Variants in DHRS7 observed in about 807,000 individuals in gnomAD.
The protein encoded by DHRS7 is dehydrogenase/reductase SDR family member 7.
A neutral mutation model predicts 38.9 loss-of-function variants in DHRS7; 34 were observed. That is an observed-to-expected ratio of 0.87 (90% CI 0.66 to 1.16). The LOEUF (loss-of-function observed/expected upper bound fraction) is 1.16, where lower values mean the gene tolerates loss of function less well. Ranked by LOEUF, DHRS7 falls within the 50% of genes most tolerant of loss-of-function variation. DHRS7 has a pLI of 0.00. For missense variants in DHRS7, 421 were observed against 407.0 expected (o/e 1.03, Z -0.30); for synonymous variants, 158 against 153.1 (o/e 1.03, Z -0.24).
chr14:60,155,909 A>T lies in DHRS7; in HGVS notation c.286+91T>A, dbSNP rs1338480236. The stretch of plus-strand genomic sequence containing the variant: ...GTAGAACATTTGGAGCCGGGGGGAA[A>T]TCTCACTCCTCTCTAAAAGTCCCAA... On this transcript the variant is annotated intron_variant, in intron 2 of 6. Transcript: ENST00000557185. The T allele has an allele frequency of 2.8e-5, 35 of 1,272,048 alleles. No homozygotes were observed. The East Asian group carries it at 9.8e-4, about 36-fold the overall frequency. 78.8% of individuals were successfully genotyped at this position (1,272,048 alleles called of 1,614,324 possible). A position where few individuals can be genotyped will look rare whatever the true frequency, so the allele number is the denominator to read the frequency against.
At chr14:60,149,256 A>G (rs906832166) in intron 6 of DHRS7, 97 bp downstream of exon 6, 1 of 1,171,084 alleles carries the variant, frequency 8.5e-7, no homozygotes, top group Non-Finnish European at 1.3e-6. Context: ...GACATGAGCC[A>G]CTGCACCCAG....
At chr14:60,165,695 G>A (rs1402631823), upstream of DHRS7, 3 of 1,000,460 alleles carry the variant, frequency 3.0e-6, no homozygotes, top group Non-Finnish European at 3.6e-6. The surrounding 1 kb of genome is among the most constrained non-coding windows in gnomAD (Gnocchi z 4.6). Flanking sequence ...TTTCCTCTCT[G>A]TACAGGGACA....
chr14:60,145,210 T>G lies in DHRS7; in HGVS notation c.973-197A>C. On this transcript the variant is annotated intron_variant, in intron 6 of 6. Transcript: ENST00000557185. This position sits in a 1 kb window ranked among gnomAD's most constrained non-coding sequence, Gnocchi z 4.0. ...TAGATGTACACAAAAGTACTTCTAATGAGTTTAGCATCATCTCTGGTTTAG... is the reference window on the plus strand; with the variant it reads ...TAGATGTACACAAAAGTACTTCTAAGGAGTTTAGCATCATCTCTGGTTTAG... 1 of 445,796 alleles carries G rather than the reference T, an allele frequency of 2.2e-6. No individual in the cohort carries two copies. The highest frequency in any genetic ancestry group is 3.9e-6 in the Non-Finnish European group (1 of 257,214). 27.6% of individuals were successfully genotyped at this position (445,796 alleles called of 1,614,324 possible).
rs1595200846 is a variant in DHRS7, at chr14:60,161,917, T to G, written c.133+3260A>C. 6.6e-6 allele frequency among the ~76,000 whole-genome samples: 1 copy of G among 152,222 alleles called. No individual in the cohort carries two copies. The highest frequency in any genetic ancestry group is 2.1e-4 in the South Asian group (1 of 4,836). On this transcript the variant is annotated intron_variant, in intron 1 of 6. Coordinates refer to ENST00000557185, the MANE Select transcript of DHRS7 (RefSeq NM_016029.4). This position sits in a 1 kb window ranked among gnomAD's most constrained non-coding sequence, Gnocchi z 4.2. ...TCTACAAATGCAACCCAAGGTTGCC[T>G]GATCTTTTCTGGCAGCCACTTCACA...
At chr14:60,167,233 A>T (rs1399939078), upstream of DHRS7, among the ~76,000 whole-genome samples, 1 of 152,254 alleles carries the variant, frequency 6.6e-6, no homozygotes, top group African/African-American at 2.4e-5. Flanking sequence ...CATGTACTCC[A>T]TAAATATATA....
Position 60,153,104 on chromosome 14 carries a change from T to G in DHRS7, c.468A>C (p.Arg156Ser). ...LCMDTSLDVY[R>S]KLIELNYLGT... ...CTAAGTAGTTAAGCTCTATTAGCTT[T>G]CTGTAGACATCCAAGCTGGTATCCA... Residue 156 changes from arginine to serine, a missense_variant, in exon 4 of 7, where the codon AGA (arginine) becomes AGC (serine). Arg to Ser is a moderately radical substitution (Grantham distance 110, BLOSUM62 -1). Coordinates refer to ENST00000557185, the MANE Select transcript of DHRS7 (RefSeq NM_016029.4). This position sits in a 1 kb window ranked among gnomAD's most constrained non-coding sequence, Gnocchi z 4.4. 1 of 1,614,208 alleles carries G rather than the reference T, an allele frequency of 6.2e-7. No homozygotes were observed.
chr14:60,168,914 C>T (rs961196037), upstream of DHRS7: 3 of 821,268 alleles, frequency 3.7e-6, no homozygotes, highest in Non-Finnish European at 5.2e-6. Flanking sequence ...GTCTAACTAA[C>T]CCATTGAAGT....
At chr14:60,168,837 A>G, upstream of DHRS7, 2 of 1,448,154 alleles carry the variant, frequency 1.4e-6, no homozygotes, top group Non-Finnish European at 1.9e-6. Flanking sequence ...TTCACTCTTC[A>G]TAAACCAAAG....
In DHRS7 at chr14:60,145,427, A is replaced by T. The variant is rs1249891855; in HGVS notation, c.973-414T>A. The T allele has an allele frequency of 6.5e-6, 1 of 152,798 alleles. No homozygotes were observed. The highest frequency in any genetic ancestry group is 1.9e-4 in the East Asian group (1 of 5,232). 9.5% of individuals were successfully genotyped at this position (152,798 alleles called of 1,614,324 possible). On this transcript the variant is annotated intron_variant, in intron 6 of 6. Transcript: ENST00000557185. This position sits in a 1 kb window ranked among gnomAD's most constrained non-coding sequence, Gnocchi z 4.0. ...GGCAGGCACTGTGGCTCATGCCTGTAATCCCAGCACTTTGGGAGGCCGAGG... is the reference window on the plus strand; with the variant it reads ...GGCAGGCACTGTGGCTCATGCCTGTTATCCCAGCACTTTGGGAGGCCGAGG...
rs751714239 is a variant in DHRS7, at chr14:60,152,941, G to T, written c.631C>A (p.Arg211=). Residue 211 remains arginine, a splice_region_variant and synonymous_variant, in exon 4 of 7, where the codon CGG becomes AGG. Coordinates refer to ENST00000557185, the MANE Select transcript of DHRS7 (RefSeq NM_016029.4). ...GAGTTGAGTTTGAGCAGCCTTACCC[G>T]GAGAGCATGCTTGCTAGCACAGTAT... ...IGYCASKHAL[R]GFFNGLRTEL... 1 of 1,613,874 alleles carries T rather than the reference G, an allele frequency of 6.2e-7. No homozygotes were observed. The highest frequency in any genetic ancestry group is 1.3e-5 in the African/African-American group (1 of 74,898).
At position 60,145,035 on chromosome 14, in the gene DHRS7, A is replaced by G. The variant is rs1896363530; in HGVS notation, c.973-22T>C. ...CATCCTGTAAAAGAGGGACAGAAAC[A>G]TGGATCAGTACCTACTCCTATTTAC... On this transcript the variant is annotated intron_variant, in intron 6 of 6. Transcript: ENST00000557185. This position sits in a 1 kb window ranked among gnomAD's most constrained non-coding sequence, Gnocchi z 4.0. 2 of 1,561,516 alleles carry G rather than the reference A, an allele frequency of 1.3e-6. No individual in the cohort carries two copies. The highest frequency in any genetic ancestry group is 2.8e-5 in the African/African-American group (2 of 71,364).
rs748874258 is a variant in DHRS7 at position 60,165,301 on chromosome 14, C to A, written c.9G>T (p.Trp3Cys). Residue 3 changes from tryptophan to cysteine, a missense_variant, in exon 1 of 7, where the codon TGG (tryptophan) becomes TGT (cysteine). Trp to Cys is a radical substitution (Grantham distance 215). Coordinates refer to ENST00000557185, the MANE Select transcript of DHRS7 (RefSeq NM_016029.4). This position sits in a 1 kb window ranked among gnomAD's most constrained non-coding sequence, Gnocchi z 4.6. ...GCACCAGCAGCCACAGCAGCAGCTC[C>A]CAGTTCATTGCGGCCGCGCACGCCC... MN[W>C]ELLLWLLVLC... 5.0e-6 allele frequency: 8 copies of A among 1,589,708 alleles called. No homozygotes were observed. The Admixed American group carries it at 1.2e-4, about 24-fold the overall frequency.
At chr14:60,166,989 G>C (rs759784067), upstream of DHRS7, among the ~76,000 whole-genome samples, 30 of 152,058 alleles carry the variant, frequency 2.0e-4, no homozygotes, top group Non-Finnish European at 3.7e-4. Context: ...GGGAGGGTTG[G>C]GGGGGACGTG....
intron 2 of DHRS7, among the ~76,000 whole-genome samples, chr14:60,154,466 G>A (rs1296985545): frequency 1.3e-5 from 2 of 152,062 alleles, no homozygotes; most frequent in African/African-American, 2.4e-5. Flanking sequence ...TCAGTAAGAA[G>A]CTCAGAGTCC....
rs112492557 is a variant in DHRS7, at chr14:60,144,803, T to C, written c.*163A>G. ...TTTTTTGCAAGATTCATGGCAATCT[T>C]TTATTATTTATTTTTTATTTCATTC... On this transcript the variant is annotated 3_prime_UTR_variant, in exon 7 of 7. Transcript: ENST00000557185. 3.2e-4 allele frequency: 205 copies of C among 646,738 alleles called. 4 individuals are homozygous for C. The Middle Eastern group carries it at 4.5e-3, about 14-fold the overall frequency. The allele number at this position is 646,738 out of a possible 1,614,324, so 40.1% of individuals were successfully genotyped here. A position where few individuals can be genotyped will look rare whatever the true frequency, so the allele number is the denominator to read the frequency against.
chr14:60,151,233 G>T (rs1233458347), intron 4 of DHRS7, among the ~76,000 whole-genome samples: 1 of 152,168 alleles, frequency 6.6e-6, no homozygotes, highest in African/African-American at 2.4e-5. Flanking sequence ...CCTACTGAAT[G>T]ACTTGTGTAA....
At chr14:60,149,278 T>C in intron 6 of DHRS7, 75 bp downstream of exon 6, 3 of 1,483,832 alleles carry the variant, frequency 2.0e-6, no homozygotes, top group Non-Finnish European at 2.8e-6. Flanking sequence ...CAGAAAGTTT[T>C]TTAAACACTG....
At chr14:60,165,507 G>C, upstream of DHRS7, 1 of 1,302,998 alleles carries the variant, frequency 7.7e-7, no homozygotes, top group Non-Finnish European at 9.7e-7. The surrounding 1 kb of genome is among the most constrained non-coding windows in gnomAD (Gnocchi z 4.6). Flanking sequence ...GCGGTCCTTG[G>C]GCGGCCCGCG....
chr14:60,158,232 GAA>G (rs34207942), intron 1 of DHRS7, among the ~76,000 whole-genome samples: 5 of 83,154 alleles, frequency 6.0e-5, no homozygotes, highest in Admixed American at 1.4e-4. Context: ...GACTCTGTCG[GAA>G]AAAAAAAAAA....
Sources: gnomAD v4.1 joint callset for allele counts (sites outside exome capture counted in the v4.1 genomes callset) on GRCh38, gnomAD v4.1.1 for gene constraint, Gnocchi (gnomAD v3.1) non-coding constraint, MANE v1.5 for transcripts, NCBI Gene and HGNC (gene_info 2026-07-23, HGNC 2026-07-21) for gene names.